The following PXDN variants were observed in gnomAD, a reference collection of about 807,000 sequenced individuals.
The protein encoded by PXDN is peroxidasin homolog.
In PXDN, 77 loss-of-function variants were observed where a neutral mutation model predicts 140.3. The observed-to-expected ratio is 0.55, with a 90% confidence interval of 0.46 to 0.66. The LOEUF (loss-of-function observed/expected upper bound fraction) is 0.66, where lower values mean the gene tolerates loss of function less well. PXDN is among the 30% of genes least tolerant of loss of function. The probability of loss-of-function intolerance (pLI) is 0.00; values close to 1 mark genes in which losing one functional copy is unlikely to be tolerated. For missense variants in PXDN, 1,838 were observed against 2,039.5 expected (o/e 0.90, Z 1.90); for synonymous variants, 911 against 857.4 (o/e 1.06, Z -1.09).
chr2:1,642,203 A>G (rs910313436), intron 19 of PXDN, among the ~76,000 whole-genome samples: 12 of 152,056 alleles, frequency 7.9e-5, no homozygotes, highest in African/African-American at 2.9e-4. Flanking sequence ...ATTAGATCAC[A>G]CACACCCCCC....
chr2:1,659,290 A>T (rs1352242030), intron 14 of PXDN, among the ~76,000 whole-genome samples: 1 of 152,226 alleles, frequency 6.6e-6, no homozygotes. Flanking sequence ...GGACAACTCA[A>T]ATGGCTGAAA....
rs772632642 is a variant in PXDN at position 1,643,554 on chromosome 2, C to T, written c.3766G>A (p.Val1256Met). Residue 1256 changes from valine (V) to methionine (M), a missense_variant, in exon 19 of 23, where the codon GTG becomes ATG. Coordinates refer to ENST00000252804, the MANE Select transcript of PXDN (RefSeq NM_012293.3). ...GDRLWYENPG[V>M]FSPAQLTQIK... ...TGAGTCAGCTGGGCCGGGGAGAACA[C>T]CCCAGGGTTCTCATACCACAACCTG... 33 of 1,613,746 alleles carry T rather than the reference C, an allele frequency of 2.0e-5. 1 individual carries two copies. The Admixed American group carries it at 5.5e-4, about 27-fold the overall frequency.
At chr2:1,722,671 G>A (rs1469470156) in intron 1 of PXDN, among the ~76,000 whole-genome samples, 1 of 152,224 alleles carries the variant, frequency 6.6e-6, no homozygotes, top group African/African-American at 2.4e-5. Flanking sequence ...AGAGGTGTGC[G>A]TCTACAGGTG....
chr2:1,652,930 CTGTGTGTG>C (rs34590232), intron 16 of PXDN: 136 of 149,242 alleles, frequency 9.1e-4, no homozygotes, highest in East Asian at 2.8e-3. Context: ...CCTCCGTGCT[CTGTGTGTG>C]TGTGTGTGTG....
intron 8 of PXDN, among the ~76,000 whole-genome samples, chr2:1,676,092 C>T (rs1683700821): frequency 6.6e-6 from 1 of 152,150 alleles, no homozygotes. Context: ...CAGGTGCCTT[C>T]CGGCAATCTG....
At position 1,648,867 on chromosome 2, in the gene PXDN, G is replaced by A. The variant is rs1483666918; in HGVS notation, c.2913C>T (p.Phe971=). ...CGTTGGCGCGGTGGTCCCCGGCCAGGAAGCAGGGGATGGGGCTCTCGTTCT... is the reference window on the plus strand; with the variant it reads ...CGTTGGCGCGGTGGTCCCCGGCCAGAAAGCAGGGGATGGGGCTCTCGTTCT... ...RDENESPIPC[F]LAGDHRANEQ... The change falls in exon 17 of 23, where the codon TTC becomes TTT. Residue 971 remains phenylalanine (F), a synonymous_variant. Transcript: ENST00000252804. The surrounding 1 kb of genome is among the most constrained non-coding windows in gnomAD (Gnocchi z 8.9). The A allele has an allele frequency of 4.4e-6, 7 of 1,602,052 alleles. No homozygotes were observed. The South Asian group carries it at 6.7e-5, about 15-fold the overall frequency.
At chr2:1,705,910 A>T (rs1229682569) in intron 1 of PXDN, among the ~76,000 whole-genome samples, 1 of 152,032 alleles carries the variant, frequency 6.6e-6, no homozygotes, top group East Asian at 1.9e-4. Context: ...TCCCGCGTGG[A>T]GTGTGGGGCT....
intron 9 of PXDN, among the ~76,000 whole-genome samples, chr2:1,668,635 G>C (rs1375092594): frequency 6.6e-6 from 1 of 151,500 alleles, no homozygotes; most frequent in Non-Finnish European, 1.5e-5. Context: ...CTAAAAGTGG[G>C]TTAAGGATAT....
At chr2:1,655,300 T>C (rs1683103802) in intron 14 of PXDN, among the ~76,000 whole-genome samples, 1 of 148,076 alleles carries the variant, frequency 6.8e-6, no homozygotes, top group Non-Finnish European at 1.5e-5. Flanking sequence ...ACGCCACACA[T>C]AACACATCAC....
chr2:1,642,517 C>T (rs979250445), intron 19 of PXDN, among the ~76,000 whole-genome samples: 1 of 152,226 alleles, frequency 6.6e-6, no homozygotes, highest in Non-Finnish European at 1.5e-5. Context: ...CTCCCGGTCA[C>T]GCTCACCGCA....
intron 10 of PXDN, 69 bp downstream of exon 10, chr2:1,666,145 C>A: frequency 1.3e-6 from 2 of 1,570,602 alleles, no homozygotes; most frequent in Non-Finnish European, 1.7e-6. Context: ...GTGGGTATGG[C>A]AGCGCGAGCT....
At chr2:1,717,044 C>T (rs1251818308) in intron 1 of PXDN, among the ~76,000 whole-genome samples, 1 of 152,200 alleles carries the variant, frequency 6.6e-6, no homozygotes, top group Non-Finnish European at 1.5e-5. Context: ...GCTCAACACT[C>T]CCCATTTTTA....
intron 14 of PXDN, among the ~76,000 whole-genome samples, chr2:1,658,298 AC>A (rs1683215709): frequency 6.6e-6 from 1 of 151,692 alleles, no homozygotes; most frequent in East Asian, 2.0e-4. Flanking sequence ...CGTGGCTCTC[AC>A]CACCCACTCC....
intron 11 of PXDN, chr2:1,664,194 C>T (rs1233177018): frequency 1.8e-5 from 3 of 165,866 alleles, no homozygotes; most frequent in Non-Finnish European, 3.9e-5. Context: ...AAATCCAGGG[C>T]GTGTGATGCA....
At chr2:1,665,458 G>A (rs1302097122) in intron 10 of PXDN, among the ~76,000 whole-genome samples, 1 of 152,134 alleles carries the variant, frequency 6.6e-6, no homozygotes, top group Admixed American at 6.6e-5. Context: ...AGCTGTGTAT[G>A]ATGATAGTGG....
At chr2:1,677,075 T>TA in intron 7 of PXDN, 31 bp from the exon 8 acceptor site, 1 of 1,536,198 alleles carries the variant, frequency 6.5e-7, no homozygotes, top group South Asian at 1.2e-5. Context: ...GAAACCTTTT[T>TA]AGTCTAAACC....
intron 3 of PXDN, among the ~76,000 whole-genome samples, chr2:1,690,930 A>G (rs779318834): frequency 2.8e-4 from 43 of 152,330 alleles, no homozygotes; most frequent in Admixed American, 8.5e-4. Flanking sequence ...AACAATAACA[A>G]GACGACTTTG....
In PXDN at chr2:1,649,713, C is replaced by G. The variant is rs371441771; in HGVS notation, c.2105-38G>C. 650 of 1,608,196 alleles carry G rather than the reference C, an allele frequency of 4.0e-4. No homozygotes were observed. Among genetic ancestry groups the G allele is most frequent in the Middle Eastern group, 2.1e-3 (13 of 6,062 alleles). On this transcript the variant is annotated intron_variant, in intron 16 of 22. Coordinates refer to ENST00000252804, the MANE Select transcript of PXDN (RefSeq NM_012293.3). The surrounding 1 kb of genome is among the most constrained non-coding windows in gnomAD (Gnocchi z 7.1). ...GAAAAGCAAGACGCACTCAATTCCC[C>G]TGGAGGATGTGTGAGGGCCCGGTAC...
intron 6 of PXDN, among the ~76,000 whole-genome samples, chr2:1,683,223 GA>G (rs1683956277): frequency 1.4e-5 from 2 of 145,256 alleles, no homozygotes; most frequent in Admixed American, 6.9e-5. Flanking sequence ...CACAAAAAAA[GA>G]AAAAAAGAAA....
Sources: allele counts gnomAD v4.1 joint callset (sites outside exome capture counted in the v4.1 genomes callset), GRCh38; gene constraint gnomAD v4.1.1; non-coding constraint Gnocchi (gnomAD v3.1); transcripts MANE v1.5; gene names NCBI Gene and HGNC (gene_info 2026-07-23, HGNC 2026-07-21).